Variants in OSBPL9 observed in about 807,000 individuals in gnomAD.
OSBPL9 encodes the protein oxysterol binding protein like 9, also known as oxysterol-binding protein-related protein 9.
OSBPL9 carries 40 observed loss-of-function variants against 106.6 expected under a neutral mutation model. That is an observed-to-expected ratio of 0.38 (90% CI 0.29 to 0.49). The LOEUF (loss-of-function observed/expected upper bound fraction) is 0.49. Ranked by LOEUF, OSBPL9 falls within the 20% of genes least tolerant of loss-of-function variation. OSBPL9 has a pLI of 0.97. For missense variants in OSBPL9, 609 were observed against 887.2 expected (o/e 0.69, Z 3.98); for synonymous variants, 269 against 295.4 (o/e 0.91, Z 0.92).
At chr1:51,576,834 C>T (rs1645186865), upstream of OSBPL9, among the ~76,000 whole-genome samples, 1 of 152,170 alleles carries the variant, frequency 6.6e-6, no homozygotes. Flanking sequence ...GTTAGATAGG[C>T]ATTTTTAAAT....
chr1:51,738,779 G>T (rs1666256748), intron 4 of OSBPL9, among the ~76,000 whole-genome samples: 1 of 151,878 alleles, frequency 6.6e-6, no homozygotes, highest in South Asian at 2.1e-4. Flanking sequence ...AATTGCCTGT[G>T]GTTATAGTAT....
At chr1:51,530,586 T>TA in the OSBPL9 span, among the ~76,000 whole-genome samples, 2 of 150,882 alleles carry the variant, frequency 1.3e-5, no homozygotes, top group South Asian at 4.2e-4. Flanking sequence ...GACCGTCTCT[T>TA]AAACAAAAAA....
chr1:51,538,695 C>A, the OSBPL9 span: 1 of 151,146 alleles, frequency 6.6e-6, no homozygotes, highest in Non-Finnish European at 1.5e-5. Flanking sequence ...TGTATTGTTC[C>A]TTTTTTTTTG....
the OSBPL9 span, among the ~76,000 whole-genome samples, chr1:51,523,593 G>C: frequency 2.0e-5 from 3 of 152,132 alleles, no homozygotes; most frequent in Admixed American, 1.3e-4. Flanking sequence ...TGTGTTGCTG[G>C]TGTCCTGCAG....
At position 51,740,139 on chromosome 1, in the gene OSBPL9, G is replaced by A. The variant is rs551344516; in HGVS notation, c.319-5397G>A. On this transcript the variant is annotated intron_variant, in intron 4 of 23. Coordinates refer to ENST00000428468, the MANE Select transcript of OSBPL9 (RefSeq NM_024586.6). The stretch of plus-strand genomic sequence containing the variant: ...ATTCTCTCTTTTCCTTACTTTTATG[G>A]AAGATCAGTACCACACTTGCTTTTT... 9 of 1,549,000 alleles carry A rather than the reference G, an allele frequency of 5.8e-6. No individual in the cohort carries two copies. In the South Asian group the frequency reaches 7.2e-5, roughly 12 times the overall value.
At chr1:51,779,846 G>A (rs1015200979) in intron 15 of OSBPL9, among the ~76,000 whole-genome samples, 2 of 152,194 alleles carry the variant, frequency 1.3e-5, no homozygotes, top group Admixed American at 1.3e-4. Context: ...GGGAGGCCAA[G>A]GCAGGTGGAT....
At chr1:51,632,074 G>A (rs147338951) in intron 1 of OSBPL9, among the ~76,000 whole-genome samples, 2 of 152,086 alleles carry the variant, frequency 1.3e-5, no homozygotes, top group Admixed American at 1.3e-4. Context: ...CCTACCTGAG[G>A]CTGTTTTACA....
the OSBPL9 span, among the ~76,000 whole-genome samples, chr1:51,532,835 T>C: frequency 1.5e-3 from 235 of 152,082 alleles, 1 homozygote; most frequent in African/African-American, 5.4e-3. Flanking sequence ...TGAAGAGATA[T>C]TAGGATCACT....
the OSBPL9 span, among the ~76,000 whole-genome samples, chr1:51,532,113 G>A: frequency 6.6e-6 from 1 of 152,104 alleles, no homozygotes; most frequent in Admixed American, 6.6e-5. Context: ...TTCAGGGGAA[G>A]GTGAAAGAAA....
At chr1:51,658,595 G>C (rs1039971462) in intron 2 of OSBPL9, among the ~76,000 whole-genome samples, 2 of 152,014 alleles carry the variant, frequency 1.3e-5, no homozygotes, top group Admixed American at 1.3e-4. Flanking sequence ...GTTGTGCTAG[G>C]TATCAGAATT....
chr1:51,662,869 T>C lies in OSBPL9; in HGVS notation c.163-6565T>C, dbSNP rs368056418. 5.9e-5 allele frequency among the ~76,000 whole-genome samples: 9 copies of C among 151,546 alleles called. No homozygotes were observed. In the Middle Eastern group the frequency reaches 0.014, roughly 234 times the overall value. On this transcript the variant is annotated intron_variant, in intron 2 of 23. Transcript: ENST00000428468. ...ACGCCATTCTCCTGCCTCAGCCTCC[T>C]GAGTAGCTAGGACTACAGGCGCCCA... is the stretch of plus-strand genomic sequence containing the variant.
intron 2 of OSBPL9, among the ~76,000 whole-genome samples, chr1:51,599,710 C>T (rs1042489669): frequency 1.1e-4 from 17 of 152,200 alleles, no homozygotes; most frequent in African/African-American, 3.9e-4. Flanking sequence ...GTGATATTTG[C>T]AGCATCCACA....
At chr1:51,773,838 G>T (rs150492621) in intron 14 of OSBPL9, among the ~76,000 whole-genome samples, 10 of 152,304 alleles carry the variant, frequency 6.6e-5, no homozygotes, top group African/African-American at 1.7e-4. Flanking sequence ...ACTTTTATTT[G>T]TGGAGCCCAA....
intron 3 of OSBPL9, among the ~76,000 whole-genome samples, chr1:51,684,913 C>CTTT (rs1215136847): frequency 8.2e-6 from 1 of 122,456 alleles, no homozygotes; most frequent in African/African-American, 3.2e-5. Context: ...TGCTCTTCTT[C>CTTT]TTTTTTTTTT....
chr1:51,699,453 T>C (rs1656777922), intron 3 of OSBPL9, among the ~76,000 whole-genome samples: 1 of 152,184 alleles, frequency 6.6e-6, no homozygotes, highest in Non-Finnish European at 1.5e-5. Context: ...AGCTTTAATT[T>C]CCTTGCCTCA....
chr1:51,776,775 A>G (rs1038422223), intron 14 of OSBPL9, 58 bp from the exon 15 acceptor site: 11 of 935,926 alleles, frequency 1.2e-5, no homozygotes, highest in East Asian at 2.6e-5. Context: ...TTTTTTTTTT[A>G]GTCTGTTTAT....
chr1:51,631,274 GTGCA>G (rs1381345718), intron 1 of OSBPL9, among the ~76,000 whole-genome samples: 1 of 152,170 alleles, frequency 6.6e-6, no homozygotes, highest in African/African-American at 2.4e-5. Flanking sequence ...GGGCATGGTG[GTGCA>G]TGCCTGTAAT....
At position 51,784,042 on chromosome 1, in the gene OSBPL9, T is replaced by A. The variant is rs915114426; in HGVS notation, c.1624+17T>A. ...TAGGGCAGGGTAAGTGTGTTGGCAT[T>A]GGGTGGACTACAATGTTATAGGAGA... On this transcript the variant is annotated intron_variant, in intron 18 of 23. Coordinates refer to ENST00000428468, the MANE Select transcript of OSBPL9 (RefSeq NM_024586.6). 5.1e-6 allele frequency: 8 copies of A among 1,574,640 alleles called. No homozygotes were observed. The highest frequency in any genetic ancestry group is 2.7e-5 in the African/African-American group (2 of 73,974).
chr1:51,604,005 C>T (rs12065592), intron 2 of OSBPL9, among the ~76,000 whole-genome samples: 4,996 of 152,210 alleles, frequency 0.033, 162 homozygotes, highest in Middle Eastern at 0.088. Context: ...ATTCAACTCC[C>T]TATACATCAT....
Sources: gnomAD v4.1 joint callset for allele counts (sites outside exome capture counted in the v4.1 genomes callset) on GRCh38, gnomAD v4.1.1 for gene constraint, MANE v1.5 for transcripts, NCBI Gene and HGNC (gene_info 2026-07-23, HGNC 2026-07-21) for gene names.